COL21A1: variants seen among roughly 807,000 people sequenced by gnomAD.
COL21A1 encodes the protein collagen type XXI alpha 1 chain.
Under a neutral mutation model 137.9 loss-of-function variants are expected in COL21A1, and 149 were observed. The ratio of observed to expected loss-of-function variants is 1.08; its 90% CI spans 0.95 to 1.24. The LOEUF is 1.24. COL21A1 is among the 50% of genes most tolerant of loss of function. COL21A1 has a pLI of 0.00. For synonymous variants in COL21A1, 456 were observed against 391.5 expected (o/e 1.16, Z -1.95); for missense variants, 1,167 against 1,158.4 (o/e 1.01, Z -0.11).
At chr6:56,199,192 T>C (rs964790083) in intron 1 of COL21A1, among the ~76,000 whole-genome samples, 7 of 152,058 alleles carry the variant, frequency 4.6e-5, no homozygotes, top group Non-Finnish European at 1.5e-5. Context: ...GATGCTTACA[T>C]CCTCAACAGC....
intron 13 of COL21A1, 47 bp from the exon 14 acceptor site, chr6:56,125,667 T>C: frequency 8.1e-7 from 1 of 1,233,696 alleles, no homozygotes; most frequent in Non-Finnish European, 1.1e-6. Flanking sequence ...ATATGAATAT[T>C]TTTCTTATAA....
At chr6:56,103,566 CTA>C (rs1054547031) in intron 16 of COL21A1, among the ~76,000 whole-genome samples, 2 of 152,078 alleles carry the variant, frequency 1.3e-5, no homozygotes, top group African/African-American at 4.8e-5. Context: ...CTACTTTTTT[CTA>C]TCTGTCCATT....
At position 56,192,492 on chromosome 6, in the gene COL21A1, G is replaced by GAA. The variant is rs140079125; in HGVS notation, c.-38-9838_-38-9837dup. Among the ~76,000 whole-genome samples, 23 of 150,226 alleles carry GAA rather than the reference G, an allele frequency of 1.5e-4. No individual in the cohort carries two copies. The East Asian group carries it at 2.7e-3, about 18-fold the overall frequency. On this transcript the variant is annotated intron_variant, in intron 1 of 29. Transcript: ENST00000244728. ...ACATAGAACTTAAACAAATTTACAA[G>GAA]AAAAAAAAACAACCCCATCAAAAAG...
intron 1 of COL21A1, among the ~76,000 whole-genome samples, chr6:56,239,120 G>C (rs1327113692): frequency 6.6e-6 from 1 of 152,090 alleles, no homozygotes; most frequent in Non-Finnish European, 1.5e-5. Flanking sequence ...ATGTATTAGA[G>C]CATGTAACTA....
At chr6:56,246,564 T>C (rs1018470166) in intron 1 of COL21A1, among the ~76,000 whole-genome samples, 13 of 152,068 alleles carry the variant, frequency 8.5e-5, no homozygotes, top group East Asian at 1.9e-4. Flanking sequence ...TGAAGGGAAA[T>C]TTGCAGGTGT....
rs531745457 is a variant in COL21A1 at position 56,243,450 on chromosome 6, A to G, written c.-39+3937T>C. On this transcript the variant is annotated intron_variant, in intron 1 of 29. Coordinates refer to ENST00000244728, the MANE Select transcript of COL21A1 (RefSeq NM_030820.4). Reference sequence around the variant, plus strand: ...TCTGAGACAAATTATCCCATTAAATAAAACAGAAAAATCATGGGAACACCA... The same window carrying G: ...TCTGAGACAAATTATCCCATTAAATGAAACAGAAAAATCATGGGAACACCA... Among the ~76,000 whole-genome samples the G allele has an allele frequency of 4.6e-5, 7 of 152,342 alleles. No homozygotes were observed. In the East Asian group the frequency reaches 1.3e-3, roughly 29 times the overall value.
At chr6:56,316,285 A>C (rs899846799) in intron 1 of COL21A1, among the ~76,000 whole-genome samples, 2 of 152,038 alleles carry the variant, frequency 1.3e-5, no homozygotes. Flanking sequence ...TATTGTAATC[A>C]TTATGATGTG....
At chr6:56,382,510 C>T (rs1273046180) in intron 1 of COL21A1, among the ~76,000 whole-genome samples, 1 of 152,122 alleles carries the variant, frequency 6.6e-6, no homozygotes, top group Non-Finnish European at 1.5e-5. Context: ...GGTTGAAGCC[C>T]TAACCTTCAA....
At chr6:56,091,062 A>G (rs562655530) in intron 17 of COL21A1, among the ~76,000 whole-genome samples, 2 of 152,320 alleles carry the variant, frequency 1.3e-5, no homozygotes, top group Admixed American at 1.3e-4. Context: ...ATAGTCAAGC[A>G]GGCAAATAAA....
intron 5 of COL21A1, among the ~76,000 whole-genome samples, chr6:56,169,374 A>T (rs773756503): frequency 2.0e-5 from 3 of 151,996 alleles, no homozygotes; most frequent in Admixed American, 6.6e-5. Flanking sequence ...AGTATTATTT[A>T]TGGACAGAAG....
intron 13 of COL21A1, 27 bp downstream of exon 13, chr6:56,126,069 T>C: frequency 6.9e-7 from 1 of 1,457,186 alleles, no homozygotes; most frequent in Non-Finnish European, 9.3e-7. Flanking sequence ...GGCTTTGCTA[T>C]ATTTAAAAGA....
chr6:56,104,340 A>C (rs1770696911), intron 16 of COL21A1, among the ~76,000 whole-genome samples: 1 of 152,198 alleles, frequency 6.6e-6, no homozygotes, highest in African/African-American at 2.4e-5. Context: ...ACTGTTGGAC[A>C]ATTATGCAGT....
At chr6:56,241,943 C>T (rs1315959675) in intron 1 of COL21A1, among the ~76,000 whole-genome samples, 2 of 152,110 alleles carry the variant, frequency 1.3e-5, no homozygotes, top group Non-Finnish European at 2.9e-5. Flanking sequence ...TATTAATAGA[C>T]TCTCTGAAAC....
chr6:56,059,306 C>T (rs1765593609), intron 28 of COL21A1, 64 bp from the exon 29 acceptor site: 1 of 1,151,198 alleles, frequency 8.7e-7, no homozygotes, highest in Non-Finnish European at 1.2e-6. Context: ...TTGTTTCATT[C>T]AAAGCTGTTA....
intron 1 of COL21A1, among the ~76,000 whole-genome samples, chr6:56,293,114 C>T (rs1764089869): frequency 6.6e-6 from 1 of 152,126 alleles, no homozygotes; most frequent in Non-Finnish European, 1.5e-5. Context: ...ATTGAATCTA[C>T]AGTGAAAGCA....
intron 1 of COL21A1, among the ~76,000 whole-genome samples, chr6:56,316,969 AG>A (rs1764753979): frequency 6.6e-6 from 1 of 152,128 alleles, no homozygotes. Context: ...CAAAGACTGC[AG>A]CCCCAAGGAG....
intron 1 of COL21A1, among the ~76,000 whole-genome samples, chr6:56,213,935 G>C (rs746578799): frequency 6.6e-6 from 1 of 152,082 alleles, no homozygotes; most frequent in Non-Finnish European, 1.5e-5. Context: ...ATTGTGACTG[G>C]AGGGTGACCC....
At chr6:56,192,787 A>G (rs1265049312) in intron 1 of COL21A1, among the ~76,000 whole-genome samples, 1 of 152,204 alleles carries the variant, frequency 6.6e-6, no homozygotes, top group Non-Finnish European at 1.5e-5. Context: ...GTGATTCCTC[A>G]AGGATCTAGA....
intron 1 of COL21A1, among the ~76,000 whole-genome samples, chr6:56,345,087 A>T (rs1369705130): frequency 6.6e-6 from 1 of 152,200 alleles, no homozygotes; most frequent in Non-Finnish European, 1.5e-5. Context: ...TGAACAAGGA[A>T]CTTATCCTGT....
Sources: allele counts gnomAD v4.1 joint callset (sites outside exome capture counted in the v4.1 genomes callset), GRCh38; gene constraint gnomAD v4.1.1; transcripts MANE v1.5; gene names NCBI Gene and HGNC (gene_info 2026-07-23, HGNC 2026-07-21).